The following ATP7B variants were observed in gnomAD, a reference collection of about 807,000 sequenced individuals.
The protein encoded by ATP7B is ATPase copper transporting beta, also known as copper-transporting ATPase 2.
A neutral mutation model predicts 118.9 loss-of-function variants in ATP7B; 113 were observed. That is an observed-to-expected ratio of 0.95 (90% CI 0.82 to 1.11). ATP7B has a LOEUF of 1.11. ATP7B is among the 50% of genes most tolerant of loss of function. ATP7B has a pLI of 0.00. For synonymous variants in ATP7B, 777 were observed against 727.4 expected (o/e 1.07, Z -1.10); for missense variants, 1,867 against 1,871.4 (o/e 1.00, Z 0.04).
intron 1 of ATP7B, among the ~76,000 whole-genome samples, chr13:51,991,653 C>G (rs918030635): frequency 3.3e-5 from 5 of 152,240 alleles, no homozygotes; most frequent in Admixed American, 1.3e-4. Flanking sequence ...TCCCACCTGC[C>G]AAGACAAGTA....
chr13:51,983,469 G>C lies in ATP7B; in HGVS notation c.52-8301C>G, dbSNP rs117273818. Among the ~76,000 whole-genome samples, 664 of 152,244 alleles carry C rather than the reference G, an allele frequency of 4.4e-3. 17 individuals carry two copies. The East Asian group carries it at 0.093, about 21-fold the overall frequency. ...TGGGACAGATCACCTGGGGCAAATG[G>C]TGGCTGTGGGTGCAGCTTCAGCAGT... is the stretch of plus-strand genomic sequence containing the variant. On this transcript the variant is annotated intron_variant, in intron 1 of 20. Coordinates refer to ENST00000242839, the MANE Select transcript of ATP7B (RefSeq NM_000053.4).
chr13:51,950,938 G>A (rs531298507), intron 9 of ATP7B, among the ~76,000 whole-genome samples: 1 of 152,248 alleles, frequency 6.6e-6, no homozygotes, highest in African/African-American at 2.4e-5. Flanking sequence ...CAGGAAGTAA[G>A]TGACGTGCAA....
intron 1 of ATP7B, among the ~76,000 whole-genome samples, chr13:51,997,254 T>A (rs1593857990): frequency 2.0e-5 from 3 of 152,358 alleles, no homozygotes; most frequent in East Asian, 3.9e-4. Flanking sequence ...TTAGATTTTT[T>A]AAAAATTTTG....
At chr13:51,939,466 C>G (rs1429047441) in intron 16 of ATP7B, among the ~76,000 whole-genome samples, 3 of 152,180 alleles carry the variant, frequency 2.0e-5, no homozygotes, top group African/African-American at 7.2e-5. Flanking sequence ...CTGAATTTTC[C>G]AAACTTTCTG....
At chr13:51,988,904 C>T (rs1055764951) in intron 1 of ATP7B, among the ~76,000 whole-genome samples, 7 of 6,754 alleles carry the variant, frequency 1.0e-3, no homozygotes, top group African/African-American at 3.4e-3. Flanking sequence ...TGGGGCCTGT[C>T]GGGGGTGGGG....
At chr13:51,955,662 G>A (rs918775373) in intron 9 of ATP7B, among the ~76,000 whole-genome samples, 8 of 152,076 alleles carry the variant, frequency 5.3e-5, no homozygotes, top group African/African-American at 1.2e-4. Context: ...AAACTGTACC[G>A]AAGACCCTAG....
At position 51,941,135 on chromosome 13, in the gene ATP7B, C is replaced by T. The variant is rs777879359; in HGVS notation, c.3502G>A (p.Ala1168Thr). Residue 1168 changes from alanine to threonine, a missense_variant, in exon 16 of 21, where the codon GCT (alanine) becomes ACT (threonine). Transcript: ENST00000242839. The stretch of plus-strand genomic sequence containing the variant: ...CCTTTCATCTCGTGGTCTGTCATAG[C>T]GTCACTGACATCGCTAGAAATGGTT... The part of the protein sequence containing the change: ...GLTISSDVSD[A>T]MTDHEMKGQT... The T allele has an allele frequency of 9.7e-5, 156 of 1,613,996 alleles. No individual in the cohort carries two copies. The highest frequency in any genetic ancestry group is 4.9e-4 in the Middle Eastern group (3 of 6,084).
chr13:51,937,663 A>C lies in ATP7B; in HGVS notation c.3716T>G (p.Val1239Gly), dbSNP rs374628199. 21 of 1,614,106 alleles carry C rather than the reference A, an allele frequency of 1.3e-5. No individual in the cohort carries two copies. Among genetic ancestry groups the C allele is most frequent in the Non-Finnish European group, 1.8e-5 (21 of 1,180,048 alleles). Reference protein sequence around the residue: ...AIATQVGINKVFAEVLPSHKV... With the variant: ...AIATQVGINKGFAEVLPSHKV... ...GTGCGAAGGCAGCACCTCTGCAAAG[A>C]CTTTGTTGATGCCAACCTAAGACAA... is the stretch of plus-strand genomic sequence containing the variant. The change falls in exon 18 of 21, where the codon GTC becomes GGC. Residue 1239 changes from valine to glycine, a missense_variant. Coordinates refer to ENST00000242839, the MANE Select transcript of ATP7B (RefSeq NM_000053.4).
At chr13:51,952,505 A>C (rs1243833822) in intron 9 of ATP7B, among the ~76,000 whole-genome samples, 1 of 152,232 alleles carries the variant, frequency 6.6e-6, no homozygotes, top group Non-Finnish European at 1.5e-5. Flanking sequence ...ACTGTGCTAG[A>C]TTTTTACATG....
At chr13:51,939,305 C>T in intron 16 of ATP7B, 112 bp from the exon 17 acceptor site, 1 of 1,487,356 alleles carries the variant, frequency 6.7e-7, no homozygotes, top group African/African-American at 1.4e-5. Context: ...AACAAAACAT[C>T]AAATTATATA....
At chr13:51,953,868 A>AAAAAAAAAAAAAC (rs1461098056) in intron 9 of ATP7B, among the ~76,000 whole-genome samples, 2 of 148,194 alleles carry the variant, frequency 1.3e-5, no homozygotes, top group African/African-American at 5.0e-5. Flanking sequence ...AAAAAAAAAA[A>AAAAAAAAAAAAAC]CCAGAAAATT....
upstream of ATP7B, chr13:52,012,126 G>A (rs1203314287): frequency 2.0e-5 from 11 of 558,004 alleles, no homozygotes; most frequent in Non-Finnish European, 2.9e-5. Context: ...GGCTTCTAGT[G>A]GGGGAGGTGG....
chr13:52,011,459 C>T (rs886050311), upstream of ATP7B: 127 of 1,279,920 alleles, frequency 9.9e-5, no homozygotes, highest in Middle Eastern at 3.6e-4. Flanking sequence ...AGGGCATCGG[C>T]GCGGCTCGGC....
In ATP7B at chr13:51,974,098, G is replaced by C. The variant is rs201254466; in HGVS notation, c.1122C>G (p.Val374=). 105 of 1,614,008 alleles carry C rather than the reference G, an allele frequency of 6.5e-5. No homozygotes were observed. In the East Asian group the frequency reaches 1.2e-3, roughly 18 times the overall value. The change falls in exon 2 of 21, where the codon GTC becomes GTG. Residue 374 remains valine, a synonymous_variant. Transcript: ENST00000242839. ...GGGAGATCATGCCTTCAATGGAATGGACACAGGATGCACAGGTCATGCCGG... is the reference window on the plus strand; with the variant it reads ...GGGAGATCATGCCTTCAATGGAATGCACACAGGATGCACAGGTCATGCCGG... ...AIAGMTCASC[V]HSIEGMISQL... is the part of the protein sequence containing the mutation.
chr13:51,958,378 A>G lies in ATP7B; in HGVS notation c.2288T>C (p.Phe763Ser). ...AEKAERSPVT[F>S]FDTPPMLFVF... ...AAAGAGCATGGGGGGCGTGTCGAAG[A>G]ATGTCACAGGGCTCCTCTCCGCCTT... The change falls in exon 8 of 21, where the codon TTC becomes TCC. Residue 763 changes from phenylalanine to serine, a missense_variant. Transcript: ENST00000242839. 6.2e-7 allele frequency: 1 copy of G among 1,614,200 alleles called. No individual in the cohort carries two copies.
chr13:51,952,229 G>A (rs534264451), intron 9 of ATP7B, among the ~76,000 whole-genome samples: 1 of 152,328 alleles, frequency 6.6e-6, no homozygotes, highest in South Asian at 2.1e-4. Flanking sequence ...CAAAGCCAGA[G>A]GGAGGGCACC....
At chr13:51,999,520 C>T (rs1363027963) in intron 1 of ATP7B, among the ~76,000 whole-genome samples, 2 of 152,168 alleles carry the variant, frequency 1.3e-5, no homozygotes, top group Admixed American at 6.5e-5. Context: ...TTCTAAATTA[C>T]GAAGAGATGG....
rs200171850 is a variant in ATP7B at position 51,970,479 on chromosome 13, G to A, written c.1543+13C>T. On this transcript the variant is annotated intron_variant, in intron 3 of 20. Coordinates refer to ENST00000242839, the MANE Select transcript of ATP7B (RefSeq NM_000053.4). ...CAGCATTCCTAAGTTCAACATGGGC[G>A]TTCATCTCTTACCAGCTTCTTTCTG... 1.0e-3 allele frequency: 1,655 copies of A among 1,614,134 alleles called. 1 individual carries two copies. The highest frequency in any genetic ancestry group is 1.2e-3 in the Non-Finnish European group (1,429 of 1,179,994).
chr13:51,950,240 C>T, intron 10 of ATP7B, 32 bp downstream of exon 10: 2 of 1,614,180 alleles, frequency 1.2e-6, no homozygotes, highest in Non-Finnish European at 1.7e-6. Flanking sequence ...CTATGATATC[C>T]TCCTGAGGGA....
Sources: allele counts gnomAD v4.1 joint callset (sites outside exome capture counted in the v4.1 genomes callset), GRCh38; gene constraint gnomAD v4.1.1; transcripts MANE v1.5; gene names NCBI Gene and HGNC (gene_info 2026-07-23, HGNC 2026-07-21).